Variants in KALRN observed in about 807,000 individuals in gnomAD.
KALRN encodes the protein kalirin RhoGEF kinase.
In KALRN, 70 loss-of-function variants were observed where a neutral mutation model predicts 353.7. The observed-to-expected ratio is 0.20, with a 90% CI of 0.16 to 0.24. The LOEUF is 0.24. Among genes scored for constraint, KALRN ranks in the 10% least tolerant of loss-of-function variants. The probability of loss-of-function intolerance (pLI) is 1.00; values close to 1 mark genes in which losing one functional copy is unlikely to be tolerated. For synonymous variants in KALRN, 1,391 were observed against 1,434.8 expected (o/e 0.97, Z 0.69); for missense variants, 2,791 against 3,756.7 (o/e 0.74, Z 6.72).
At chr3:124,515,453 G>A (rs934823493) in intron 33 of KALRN, among the ~76,000 whole-genome samples, 1 of 152,228 alleles carries the variant, frequency 6.6e-6, no homozygotes, top group South Asian at 2.1e-4. Flanking sequence ...GCTGGAAAAT[G>A]TGAAAATGTG....
chr3:124,495,961 GTATGTATATATATA>G (rs2063697346), intron 32 of KALRN, among the ~76,000 whole-genome samples: 2 of 37,894 alleles, frequency 5.3e-5, no homozygotes, highest in Non-Finnish European at 1.0e-4. Context: ...GTATGTGTAT[GTATGTATATATATA>G]TATATATATA....
intron 34 of KALRN, among the ~76,000 whole-genome samples, chr3:124,611,377 G>C (rs1390592305): frequency 6.6e-6 from 1 of 152,204 alleles, no homozygotes. Flanking sequence ...AATATGAGCA[G>C]ATAGTAAGGA....
chr3:124,622,726 T>C (rs1020865554), intron 34 of KALRN, among the ~76,000 whole-genome samples: 32 of 152,350 alleles, frequency 2.1e-4, no homozygotes, highest in African/African-American at 7.7e-4. Flanking sequence ...AGTCCTTCTC[T>C]ACTTCCAAAT....
intron 15 of KALRN, among the ~76,000 whole-genome samples, chr3:124,430,060 CT>C (rs1368952096): frequency 6.6e-6 from 1 of 152,050 alleles, no homozygotes; most frequent in East Asian, 1.9e-4. Flanking sequence ...CTATGTGAGA[CT>C]AAAATACAGC....
intron 1 of KALRN, among the ~76,000 whole-genome samples, chr3:124,091,852 C>A (rs897443107): frequency 6.6e-6 from 1 of 152,206 alleles, no homozygotes; most frequent in Non-Finnish European, 1.5e-5. Flanking sequence ...AGGCTGTGTC[C>A]TGGCCAATAT....
At chr3:124,699,686 G>A (rs951034127) in intron 55 of KALRN, among the ~76,000 whole-genome samples, 183 bp from the exon 56 acceptor site, 14 of 152,134 alleles carry the variant, frequency 9.2e-5, no homozygotes, top group Admixed American at 2.6e-4. Context: ...CATTTATTCC[G>A]TCATTTAGGA....
intron 1 of KALRN, among the ~76,000 whole-genome samples, chr3:124,126,280 A>T (rs1292779466): frequency 6.6e-6 from 1 of 151,926 alleles, no homozygotes; most frequent in Non-Finnish European, 1.5e-5. Flanking sequence ...TTTCAGTAGG[A>T]TTCCTTTATT....
At chr3:124,146,482 A>C (rs1056012220) in intron 1 of KALRN, among the ~76,000 whole-genome samples, 7 of 152,194 alleles carry the variant, frequency 4.6e-5, no homozygotes, top group Admixed American at 3.3e-4. Context: ...CTTCACTGCA[A>C]ATGGCTCGAG....
rs2149214219 is a variant in KALRN, at chr3:124,298,848, G to A, written c.1027G>A (p.Gly343Arg). 2 of 1,614,122 alleles carry A rather than the reference G, an allele frequency of 1.2e-6. No homozygotes were observed. Among genetic ancestry groups the A allele is most frequent in the Non-Finnish European group, 1.7e-6 (2 of 1,179,970 alleles). The change falls in exon 6 of 60, where the codon GGA becomes AGA. Residue 343 changes from glycine to arginine, a missense_variant. Gly to Arg is a moderately radical substitution (Grantham distance 125, BLOSUM62 -2). Around this residue, in one of 11 missense-constraint regions of KALRN, gnomAD observed 366 missense variants for 489.2 expected, o/e 0.75. Coordinates refer to ENST00000682506, the MANE Select transcript of KALRN (RefSeq NM_001388419.1). ...ELFLQSHTEI[G>R]VSYQYALDLQ... Reference sequence around the variant, plus strand: ...ATTCCTCCAGAGCCACACGGAGATCGGAGTCAGCTACCAGTACGCCCTTGA... The same window carrying A: ...ATTCCTCCAGAGCCACACGGAGATCAGAGTCAGCTACCAGTACGCCCTTGA...
chr3:124,645,661 TGC>T (rs2082625303), intron 37 of KALRN, among the ~76,000 whole-genome samples: 1 of 117,670 alleles, frequency 8.5e-6, no homozygotes. Context: ...TCTCTCTCTG[TGC>T]GTGTGTGTGT....
At chr3:124,591,736 AT>A (rs1164728851) in intron 34 of KALRN, among the ~76,000 whole-genome samples, 2 of 152,186 alleles carry the variant, frequency 1.3e-5, no homozygotes, top group Admixed American at 6.5e-5. Flanking sequence ...CATAGACCCC[AT>A]CCTCAGGGGA....
intron 58 of KALRN, among the ~76,000 whole-genome samples, chr3:124,713,881 A>T (rs1372549058): frequency 6.6e-6 from 1 of 152,210 alleles, no homozygotes; most frequent in Non-Finnish European, 1.5e-5. Context: ...TGGCTCCACA[A>T]GAACCCCTTT....
intron 5 of KALRN, among the ~76,000 whole-genome samples, chr3:124,293,136 C>T (rs1261350032): frequency 6.6e-6 from 1 of 152,174 alleles, no homozygotes; most frequent in African/African-American, 2.4e-5. Context: ...ATGGATGCAC[C>T]ACTGTAGTGT....
intron 17 of KALRN, among the ~76,000 whole-genome samples, chr3:124,436,176 G>A (rs2093453372): frequency 6.6e-6 from 1 of 152,170 alleles, no homozygotes; most frequent in African/African-American, 2.4e-5. Context: ...CTTAATTCCT[G>A]TCTAATATTA....
chr3:124,515,853 T>C (rs943688164), intron 33 of KALRN, among the ~76,000 whole-genome samples: 4 of 152,208 alleles, frequency 2.6e-5, no homozygotes, highest in Non-Finnish European at 5.9e-5. Flanking sequence ...TATGCATTGA[T>C]GTTTAGTTTA....
At position 124,504,747 on chromosome 3, in the gene KALRN, C is replaced by T. The variant is rs937108204; in HGVS notation, c.4935+8334C>T. 43 of 426,490 alleles carry T rather than the reference C, an allele frequency of 1.0e-4. No individual in the cohort carries two copies. The Admixed American group carries it at 1.1e-3, about 11-fold the overall frequency. The allele number at this position is 426,490 out of a possible 1,614,324, so 26.4% of individuals were successfully genotyped here. A position where few individuals can be genotyped will look rare whatever the true frequency, so the allele number is the denominator to read the frequency against. ...GGCTCTGAGAGCTTGGCAGTGAGCA[C>T]TGGGATGTGGCAAGGCAGATCCCTG... On this transcript the variant is annotated intron_variant, in intron 33 of 59. Coordinates refer to ENST00000682506, the MANE Select transcript of KALRN (RefSeq NM_001388419.1).
intron 34 of KALRN, among the ~76,000 whole-genome samples, chr3:124,619,615 T>C (rs773813959): frequency 6.6e-6 from 1 of 151,026 alleles, no homozygotes; most frequent in Non-Finnish European, 1.5e-5. Context: ...GCCTCCCGAG[T>C]AGCTGGGACT....
At chr3:124,092,698 C>T (rs1356187523) in intron 1 of KALRN, among the ~76,000 whole-genome samples, 1 of 152,226 alleles carries the variant, frequency 6.6e-6, no homozygotes, top group Non-Finnish European at 1.5e-5. Context: ...AGGGAGGAGA[C>T]AGATGGGCAC....
At chr3:124,490,608 G>T in intron 29 of KALRN, 86 bp from the exon 30 acceptor site, 1 of 1,242,636 alleles carries the variant, frequency 8.0e-7, no homozygotes, top group Non-Finnish European at 1.1e-6. Context: ...CAATAAGAGA[G>T]GCCTTTCTCC....
Sources: allele counts gnomAD v4.1 joint callset (sites outside exome capture counted in the v4.1 genomes callset), GRCh38; gene constraint gnomAD v4.1.1; regional missense constraint gnomAD v4.1.1; transcripts MANE v1.5; gene names NCBI Gene and HGNC (gene_info 2026-07-23, HGNC 2026-07-21).